The following FOXN3 variants were observed in gnomAD, a reference collection of about 807,000 sequenced individuals.
The protein encoded by FOXN3 is forkhead box protein N3.
In FOXN3, 7 loss-of-function variants were observed where a neutral mutation model predicts 38.4. That is an observed-to-expected ratio of 0.18 (90% CI 0.10 to 0.34). FOXN3 has a LOEUF of 0.34. Ranked by LOEUF, FOXN3 falls within the 10% of genes least tolerant of loss-of-function variation. The probability of loss-of-function intolerance (pLI) is 1.00; values close to 1 mark genes in which losing one functional copy is unlikely to be tolerated. For missense variants in FOXN3, 456 were observed against 613.4 expected (o/e 0.74, Z 2.71); for synonymous variants, 230 against 242.2 (o/e 0.95, Z 0.47).
intron 1 of FOXN3, among the ~76,000 whole-genome samples, chr14:89,492,640 A>G (rs1893605260): frequency 6.6e-6 from 1 of 152,170 alleles, no homozygotes; most frequent in Non-Finnish European, 1.5e-5. Flanking sequence ...AGAGCCCAAG[A>G]GGCAGAGGTT....
chr14:89,481,879 G>A (rs1596292134), intron 1 of FOXN3, among the ~76,000 whole-genome samples: 1 of 152,266 alleles, frequency 6.6e-6, no homozygotes, highest in East Asian at 1.9e-4. Flanking sequence ...GTCTAAACCA[G>A]GATATTTCTG....
chr14:89,234,515 G>C (rs1884920499), intron 4 of FOXN3, among the ~76,000 whole-genome samples: 1 of 151,968 alleles, frequency 6.6e-6, no homozygotes, highest in African/African-American at 2.4e-5. Context: ...TAATTAGGGG[G>C]GCAGATCCCT....
At chr14:89,306,532 A>G (rs897466324) in intron 3 of FOXN3, among the ~76,000 whole-genome samples, 4 of 151,742 alleles carry the variant, frequency 2.6e-5, no homozygotes, top group African/African-American at 9.7e-5. Context: ...ACGCCCGGCT[A>G]ATTTTTTTGT....
chr14:89,580,517 C>T (rs1895721170), intron 1 of FOXN3, among the ~76,000 whole-genome samples: 1 of 152,174 alleles, frequency 6.6e-6, no homozygotes. Context: ...ACAGTCTCAT[C>T]CTACTGGAAA....
rs184258529 is a variant in FOXN3, at chr14:89,214,984, C to G, written c.746-34178G>C. The stretch of plus-strand genomic sequence containing the variant: ...AAAGAATTTACCATCAGATGGTTAA[C>G]AAGAAAAGGGAGAAGGTACATTAGG... On this transcript the variant is annotated intron_variant, in intron 4 of 5. Coordinates refer to ENST00000557258, the MANE Select transcript of FOXN3 (RefSeq NM_005197.4). Among the ~76,000 whole-genome samples the G allele has an allele frequency of 1.8e-4, 27 of 152,236 alleles. No homozygotes were observed. In the East Asian group the frequency reaches 3.9e-3, roughly 22 times the overall value.
At chr14:89,359,406 G>A (rs551799712) in intron 2 of FOXN3, among the ~76,000 whole-genome samples, 97 of 152,168 alleles carry the variant, frequency 6.4e-4, no homozygotes, top group Non-Finnish European at 1.2e-3. Flanking sequence ...GTGCCTGCCT[G>A]ATGGAATAGG....
chr14:89,468,825 T>G (rs1893036296), intron 1 of FOXN3, among the ~76,000 whole-genome samples: 1 of 152,190 alleles, frequency 6.6e-6, no homozygotes, highest in Non-Finnish European at 1.5e-5. Flanking sequence ...GACATCCTTA[T>G]TCACCAGTTG....
rs568990852 is a variant in FOXN3 at position 89,219,268 on chromosome 14, T to G, written c.746-38462A>C. 5.5e-4 allele frequency among the ~76,000 whole-genome samples: 84 copies of G among 152,326 alleles called. No individual in the cohort carries two copies. In the Middle Eastern group the frequency reaches 0.014, roughly 25 times the overall value. ...TGTGGCACTTCCCCTTCTGTCTCCC[T>G]CCTGCTTCCATGTAAGACATGCCTT... On this transcript the variant is annotated intron_variant, in intron 4 of 5. Transcript: ENST00000557258.
intron 4 of FOXN3, among the ~76,000 whole-genome samples, chr14:89,238,229 C>CT (rs924833386): frequency 6.6e-6 from 1 of 152,204 alleles, no homozygotes; most frequent in African/African-American, 2.4e-5. Context: ...CCTTGAGGCA[C>CT]TGCGGCTTCA....
chr14:89,311,648 A>G (rs999928370), intron 3 of FOXN3, among the ~76,000 whole-genome samples: 1 of 150,958 alleles, frequency 6.6e-6, no homozygotes, highest in African/African-American at 2.5e-5. Flanking sequence ...AACCGGATGA[A>G]ACCCCGTCTC....
intron 4 of FOXN3, among the ~76,000 whole-genome samples, chr14:89,199,416 GA>G (rs1422228684): frequency 6.6e-6 from 1 of 152,222 alleles, no homozygotes; most frequent in Non-Finnish European, 1.5e-5. Context: ...AGAACACCAA[GA>G]GGGGCCTTTC....
intron 2 of FOXN3, chr14:89,364,412 G>A (rs1373665035): frequency 6.6e-6 from 1 of 151,680 alleles, no homozygotes; most frequent in African/African-American, 2.4e-5. Context: ...ATGGAAAAGA[G>A]AAGTTATCAT....
chr14:89,496,454 C>T lies in FOXN3; in HGVS notation c.-14-83964G>A, dbSNP rs117171359. The stretch of plus-strand genomic sequence containing the variant: ...ACCTTCCTTCCCAGGAGTGCCAGCC[C>T]AAGTCCTGACACCACTCCTCAGAGA... On this transcript the variant is annotated intron_variant, in intron 1 of 6. Coordinates refer to the FOXN3 transcript ENST00000345097. 3.0e-4 allele frequency among the ~76,000 whole-genome samples: 46 copies of T among 152,096 alleles called. 2 individuals carry two copies. The East Asian group carries it at 7.7e-3, about 26-fold the overall frequency.
intron 4 of FOXN3, among the ~76,000 whole-genome samples, chr14:89,244,013 C>T (rs1431771410): frequency 6.6e-6 from 1 of 152,186 alleles, no homozygotes; most frequent in Non-Finnish European, 1.5e-5. Flanking sequence ...TGCACTGATG[C>T]TAAGGTGGCT....
In FOXN3 at chr14:89,617,511, A is replaced by G. The variant is rs562443682; in HGVS notation, c.-15+1517T>C. Reference sequence around the variant, plus strand: ...TAATGCACAAGGCACTTAAATTATCAAAGTAATGATACAGTTAAGCATCCA... The same window carrying G: ...TAATGCACAAGGCACTTAAATTATCGAAGTAATGATACAGTTAAGCATCCA... On this transcript the variant is annotated intron_variant, in intron 1 of 6. Transcript: ENST00000345097. 1.4e-4 allele frequency among the ~76,000 whole-genome samples: 22 copies of G among 152,376 alleles called. No individual in the cohort carries two copies. In the South Asian group the frequency reaches 3.3e-3, roughly 23 times the overall value.
At chr14:89,277,515 G>C (rs749386991) in intron 4 of FOXN3, among the ~76,000 whole-genome samples, 4 of 152,142 alleles carry the variant, frequency 2.6e-5, no homozygotes, top group African/African-American at 4.8e-5. Context: ...CCCATGCCTG[G>C]TGTAATCCAA....
chr14:89,544,507 C>A (rs1894848886), intron 1 of FOXN3, among the ~76,000 whole-genome samples: 3 of 152,152 alleles, frequency 2.0e-5, no homozygotes, highest in Admixed American at 6.5e-5. Flanking sequence ...TCAACAAACC[C>A]TTACTAAGGG....
chr14:89,350,979 A>G, intron 2 of FOXN3, 171 bp from the exon 3 acceptor site: 6 of 428,192 alleles, frequency 1.4e-5, no homozygotes, highest in Non-Finnish European at 2.4e-5. Flanking sequence ...ATGCACTTCA[A>G]TCTTACTTGT....
At position 89,163,613 on chromosome 14, in the gene FOXN3, G is replaced by A. The variant is rs1596074607; in HGVS notation, c.852-644C>T. Among the ~76,000 whole-genome samples, 1 of 152,208 alleles carries A rather than the reference G, an allele frequency of 6.6e-6. No individual in the cohort carries two copies. Among genetic ancestry groups the A allele is most frequent in the Non-Finnish European group, 1.5e-5 (1 of 68,040 alleles). ...GCCACAGCGATGTTGCAGCCTAACAGAGAGGCAAGCCAGGGTCGCATCACA... is the reference window on the plus strand; with the variant it reads ...GCCACAGCGATGTTGCAGCCTAACAAAGAGGCAAGCCAGGGTCGCATCACA... On this transcript the variant is annotated intron_variant, in intron 5 of 5. Coordinates refer to ENST00000557258, the MANE Select transcript of FOXN3 (RefSeq NM_005197.4). This position sits in a 1 kb window ranked among gnomAD's most constrained non-coding sequence, Gnocchi z 4.3.
Sources: allele counts gnomAD v4.1 joint callset (sites outside exome capture counted in the v4.1 genomes callset), GRCh38; gene constraint gnomAD v4.1.1; non-coding constraint Gnocchi (gnomAD v3.1); transcripts MANE v1.5; gene names NCBI Gene and HGNC (gene_info 2026-07-23, HGNC 2026-07-21).